Variants in USP24 observed in about 807,000 individuals in gnomAD.
USP24 encodes ubiquitin carboxyl-terminal hydrolase 24.
USP24 carries 97 observed loss-of-function variants against 361.6 expected under a neutral mutation model. The ratio of observed to expected loss-of-function variants is 0.27; its 90% CI spans 0.23 to 0.32. The LOEUF is 0.32. Among genes scored for constraint, USP24 ranks in the 10% least tolerant of loss-of-function variants. USP24 has a pLI of 1.00. For synonymous variants in USP24, 1,098 were observed against 1,124.6 expected (o/e 0.98, Z 0.47); for missense variants, 2,353 against 3,165.6 (o/e 0.74, Z 6.16).
chr1:55,070,254 G>C (rs1008788079), intron 67 of USP24, among the ~76,000 whole-genome samples: 1 of 152,160 alleles, frequency 6.6e-6, no homozygotes, highest in Admixed American at 6.5e-5. Context: ...TCAAGAACAA[G>C]AGAGCTGGAT....
At chr1:55,188,549 G>A (rs1303526762) in intron 1 of USP24, among the ~76,000 whole-genome samples, 1 of 151,488 alleles carries the variant, frequency 6.6e-6, no homozygotes, top group Non-Finnish European at 1.5e-5. Flanking sequence ...TTGAATAAAT[G>A]TTTCTCCAAA....
intron 58 of USP24, among the ~76,000 whole-genome samples, chr1:55,081,997 A>T (rs1004367632): frequency 2.6e-5 from 4 of 152,248 alleles, no homozygotes; most frequent in Admixed American, 2.6e-4. Flanking sequence ...GAAGAGTTTG[A>T]AGTGGAAAAG....
chr1:55,134,457 T>A (rs762206956), intron 28 of USP24, 44 bp from the exon 29 acceptor site: 2 of 1,510,860 alleles, frequency 1.3e-6, no homozygotes, highest in East Asian at 4.6e-5. Flanking sequence ...TACAAAAGAA[T>A]GTTCTCCTTT....
intron 6 of USP24, 60 bp from the exon 7 acceptor site, chr1:55,166,010 A>G: frequency 1.3e-6 from 2 of 1,509,498 alleles, no homozygotes; most frequent in Non-Finnish European, 1.8e-6. Context: ...TATTTTGAAA[A>G]ATTTCTATTG....
intron 67 of USP24, chr1:55,071,294 C>A: frequency 1.0e-6 from 1 of 990,752 alleles, no homozygotes; most frequent in Non-Finnish European, 1.2e-6. Context: ...AGTGGGTGTT[C>A]AATACATATT....
chr1:55,193,805 A>G (rs993009349), intron 1 of USP24, among the ~76,000 whole-genome samples: 1 of 152,180 alleles, frequency 6.6e-6, no homozygotes, highest in Non-Finnish European at 1.5e-5. Flanking sequence ...CATTTTTTAC[A>G]TGAGCAAACA....
intron 5 of USP24, among the ~76,000 whole-genome samples, chr1:55,168,534 T>G (rs1418916737): frequency 6.6e-6 from 1 of 152,120 alleles, no homozygotes; most frequent in Non-Finnish European, 1.5e-5. Context: ...AGAGCCCTGG[T>G]GACCGTAAGT....
chr1:55,110,638 T>C (rs1014158771), intron 38 of USP24, among the ~76,000 whole-genome samples: 1 of 152,092 alleles, frequency 6.6e-6, no homozygotes, highest in Non-Finnish European at 1.5e-5. Flanking sequence ...AAATTAGAAA[T>C]ATACACATTT....
chr1:55,072,809 C>T lies in USP24; in HGVS notation c.7579G>A (p.Ala2527Thr). The change falls in exon 65 of 68, where the codon GCT becomes ACT. Residue 2527 changes from alanine (A) to threonine (T), a missense_variant. Transcript: ENST00000294383. ...ACCTTCTTCTGTAGCCACTGCACAG[C>T]CCAGCTCCAGTGGTGGGAATTCTCC... Reference protein sequence around the residue: ...FKENSHHWSWAVQWLQKKMSE... With the variant: ...FKENSHHWSWTVQWLQKKMSE... 6.2e-7 allele frequency: 1 copy of T among 1,606,810 alleles called. No homozygotes were observed. Among genetic ancestry groups the T allele is most frequent in the South Asian group, 1.1e-5 (1 of 89,116 alleles).
rs915913869 is a variant in USP24 at position 55,154,482 on chromosome 1, G to A, written c.1555-16C>T. 4 of 1,548,334 alleles carry A rather than the reference G, an allele frequency of 2.6e-6. No homozygotes were observed. The highest frequency in any genetic ancestry group is 3.5e-6 in the Non-Finnish European group (4 of 1,145,910). ...TCTCCCAGCTCTGTAGAACGGAAAA[G>A]ACACAGGAATTGCTTCACGATCAAA... is the stretch of plus-strand genomic sequence containing the variant. On this transcript the variant is annotated splice_polypyrimidine_tract_variant and intron_variant, in intron 13 of 67. Transcript: ENST00000294383.
rs755517753 is a variant in USP24, at chr1:55,158,974, C to T, written c.1131G>A (p.Pro377=). The T allele has an allele frequency of 2.8e-5, 44 of 1,593,728 alleles. No individual in the cohort carries two copies. Among genetic ancestry groups the T allele is most frequent in the Non-Finnish European group, 3.4e-5 (40 of 1,168,324 alleles). ...GGTCATCCACAATTGTCACCAGATCCGGTTGGAAGCGCATGCAAAGTAACT... is the reference window on the plus strand; with the variant it reads ...GGTCATCCACAATTGTCACCAGATCTGGTTGGAAGCGCATGCAAAGTAACT... ...AVKLLCMRFQ[P]DLVTIVDDLR... Residue 377 remains proline (P), a synonymous_variant, in exon 10 of 68, where the codon CCG becomes CCA. Coordinates refer to ENST00000294383, the MANE Select transcript of USP24 (RefSeq NM_015306.3).
chr1:55,184,913 A>ATT (rs1644085050), intron 1 of USP24, among the ~76,000 whole-genome samples: 1 of 152,200 alleles, frequency 6.6e-6, no homozygotes, highest in African/African-American at 2.4e-5. Flanking sequence ...TTTTGGGTAC[A>ATT]GCAAAAGCAG....
intron 44 of USP24, 128 bp from the exon 45 acceptor site, chr1:55,099,997 A>C: frequency 1.5e-6 from 1 of 645,516 alleles, no homozygotes; most frequent in East Asian, 2.8e-5. Context: ...GGACATTTCT[A>C]GTGAAGTGAG....
At chr1:55,152,308 A>G (rs530048267) in intron 16 of USP24, among the ~76,000 whole-genome samples, 1 of 152,344 alleles carries the variant, frequency 6.6e-6, no homozygotes, top group South Asian at 2.1e-4. Context: ...AACAACAGAC[A>G]TAAATGAAAT....
intron 1 of USP24, among the ~76,000 whole-genome samples, chr1:55,190,984 T>C (rs927774690): frequency 2.0e-5 from 3 of 152,222 alleles, no homozygotes; most frequent in African/African-American, 7.2e-5. Context: ...TGATACTCCA[T>C]CAACTTCATT....
intron 1 of USP24, among the ~76,000 whole-genome samples, chr1:55,209,775 C>T (rs1008721183): frequency 1.3e-5 from 2 of 152,062 alleles, no homozygotes; most frequent in African/African-American, 4.8e-5. Context: ...TTATTTCTCT[C>T]TGTGGTTCCA....
chr1:55,075,313 G>A (rs1421225180), intron 63 of USP24, 144 bp downstream of exon 63: 1 of 661,220 alleles, frequency 1.5e-6, no homozygotes. Context: ...ACCAGAATGA[G>A]GGAGCCCAGT....
rs1193110709 is a variant in USP24, at chr1:55,100,962, T to G, written c.5148A>C (p.Ser1716=). 2.5e-6 allele frequency: 4 copies of G among 1,608,798 alleles called. No homozygotes were observed. In the African/African-American group the frequency reaches 4.0e-5, roughly 16 times the overall value. The stretch of plus-strand genomic sequence containing the variant: ...CTGTGTCATCATCCACTGAAAGTAA[T>G]GACTGCACAGAAAAGAAACATATCA... ...QLYMQPGLPE[S]LLSVDDDTDN... The change falls in exon 44 of 68, where the codon TCA becomes TCC. Residue 1716 remains serine, a splice_region_variant and synonymous_variant. Transcript: ENST00000294383.
At chr1:55,150,410 C>T (rs1381065988) in intron 16 of USP24, among the ~76,000 whole-genome samples, 1 of 152,122 alleles carries the variant, frequency 6.6e-6, no homozygotes, top group African/African-American at 2.4e-5. Flanking sequence ...CTTAGAATCA[C>T]AGAAATAAGG....
Sources: allele counts gnomAD v4.1 joint callset (sites outside exome capture counted in the v4.1 genomes callset), GRCh38; gene constraint gnomAD v4.1.1; transcripts MANE v1.5; gene names NCBI Gene and HGNC (gene_info 2026-07-23, HGNC 2026-07-21).